CEP57L1: variants seen among roughly 807,000 people sequenced by gnomAD.
CEP57L1 encodes the protein centrosomal protein CEP57L1.
A neutral mutation model predicts 61.0 loss-of-function variants in CEP57L1; 37 were observed. The observed-to-expected ratio is 0.61, with a 90% CI of 0.47 to 0.80. The LOEUF is 0.80. CEP57L1 is among the 30% of genes least tolerant of loss of function. The pLI is 0.00. For synonymous variants in CEP57L1, 137 were observed against 162.3 expected, an observed-to-expected ratio of 0.84 and a Z score of 1.19; for missense variants, 422 against 524.7, an observed-to-expected ratio of 0.80 and a Z score of 1.91.
rs909029508 is a variant in CEP57L1 at position 109,158,488 on chromosome 6, C to CA, written c.745-527dup. On this transcript the variant is annotated intron_variant, in intron 7 of 10. Transcript: ENST00000517392. ...TGGGTGACAGAATGAGACCCTATCTCAAAAAAAAAAGGATATTTCGATTGT... is the reference window on the plus strand; with the variant it reads ...TGGGTGACAGAATGAGACCCTATCTCAAAAAAAAAAAGGATATTTCGATTGT... 9.8e-3 allele frequency: 3,162 copies of CA among 321,336 alleles called. 19 individuals are homozygous for CA. The highest frequency in any genetic ancestry group is 0.029 in the African/African-American group (1,254 of 43,346). The allele number at this position is 321,336 out of a possible 1,614,324, so 19.9% of individuals were successfully genotyped here. A position where few individuals can be genotyped will look rare whatever the true frequency, so the allele number is the denominator to read the frequency against.
intron 7 of CEP57L1, chr6:109,156,869 C>T (rs186629282): frequency 6.6e-6 from 1 of 151,948 alleles, no homozygotes; most frequent in Non-Finnish European, 1.5e-5. Context: ...AATATTTCCC[C>T]AATATGACTT....
intron 1 of CEP57L1, among the ~76,000 whole-genome samples, chr6:109,131,164 A>G (rs921980979): frequency 1.3e-5 from 2 of 152,222 alleles, no homozygotes; most frequent in African/African-American, 4.8e-5. Flanking sequence ...GCTACTGTTA[A>G]TACATTATAC....
At chr6:109,162,681 CCTAT>C (rs1290409174) in intron 10 of CEP57L1, 64 bp from the exon 11 acceptor site, 108 of 997,604 alleles carry the variant, frequency 1.1e-4, no homozygotes, top group East Asian at 2.9e-4. Flanking sequence ...ATCAATTCAA[CCTAT>C]CTATTTTGGA....
At chr6:109,148,254 G>T (rs1379885922) in intron 3 of CEP57L1, among the ~76,000 whole-genome samples, 1 of 151,992 alleles carries the variant, frequency 6.6e-6, no homozygotes, top group Non-Finnish European at 1.5e-5. Flanking sequence ...GTCTTCTAAT[G>T]CTATCCCTCC....
chr6:109,158,243 T>A (rs1773402180), intron 7 of CEP57L1: 2 of 165,732 alleles, frequency 1.2e-5, no homozygotes, highest in African/African-American at 4.8e-5. Context: ...ATCCCAACAG[T>A]TTGGGAGGCC....
In CEP57L1 at chr6:109,133,169, T is replaced by C. The variant is rs910221674; in HGVS notation, c.-3-12050T>C. Among the ~76,000 whole-genome samples, 4 of 152,012 alleles carry C rather than the reference T, an allele frequency of 2.6e-5. No homozygotes were observed. In the East Asian group the frequency reaches 7.7e-4, roughly 29 times the overall value. On this transcript the variant is annotated intron_variant, in intron 1 of 10. Transcript: ENST00000517392. ...TACTTATGTTGTCTCATTTAATCCT[T>C]AGAGCAATCTTATATGTTAAGGCAG... is the stretch of plus-strand genomic sequence containing the variant.
chr6:109,114,463 T>C (rs2114653418), intron 1 of CEP57L1, among the ~76,000 whole-genome samples: 1 of 152,106 alleles, frequency 6.6e-6, no homozygotes, highest in South Asian at 2.1e-4. Context: ...TAGCCCCTCA[T>C]GTATATAGAA....
chr6:109,100,743 T>TGGTCACATAA (rs1435721883), intron 1 of CEP57L1, among the ~76,000 whole-genome samples: 1 of 151,662 alleles, frequency 6.6e-6, no homozygotes, highest in Non-Finnish European at 1.5e-5. Flanking sequence ...ATGTAATTAC[T>TGGTCACATAA]GGTCACATAA....
At position 109,101,626 on chromosome 6, in the gene CEP57L1, T is replaced by TTC. The variant is rs201013255; in HGVS notation, c.-4+6052_-4+6053insCT. On this transcript the variant is annotated intron_variant, in intron 1 of 10. Coordinates refer to ENST00000517392, the MANE Select transcript of CEP57L1 (RefSeq NM_001271852.3). ...GCTGTTTTTCTTTTTCTTTTTTCTT[T>TTC]TTTTTTTTTTTTGAGACGGAGTCTC... Among the ~76,000 whole-genome samples the TTC allele has an allele frequency of 8.0e-3, 1,199 of 149,898 alleles. 24 individuals carry two copies. The highest frequency in any genetic ancestry group is 0.028 in the African/African-American group (1,152 of 40,882).
At chr6:109,134,238 G>T (rs1774544730) in intron 1 of CEP57L1, among the ~76,000 whole-genome samples, 2 of 151,858 alleles carry the variant, frequency 1.3e-5, no homozygotes, top group African/African-American at 2.4e-5. Context: ...TTCATCCCTG[G>T]GATGCAAGGC....
chr6:109,159,208 T>C, intron 8 of CEP57L1, 61 bp from the exon 9 acceptor site: 1 of 1,613,776 alleles, frequency 6.2e-7, no homozygotes. Context: ...GTTGTTTCTT[T>C]TCCCATAAGT....
At position 109,169,577 on chromosome 6, in the gene CEP57L1, C is replaced by T. The variant is rs1774309441; in HGVS notation, c.*6607C>T. ...ATAGAATACAATTTTCAAACACTAG[C>T]CAACTTACCTTAGAGAAATACTGGT... On this transcript the variant is annotated 3_prime_UTR_variant, in exon 11 of 11. Transcript: ENST00000517392. Among the ~76,000 whole-genome samples the T allele has an allele frequency of 2.0e-5, 3 of 152,072 alleles. No individual in the cohort carries two copies. In the South Asian group the frequency reaches 6.2e-4, roughly 32 times the overall value.
rs1335616758 is a variant in CEP57L1, at chr6:109,165,335, T to A, written c.*2365T>A. 2.7e-5 allele frequency among the ~76,000 whole-genome samples: 4 copies of A among 150,408 alleles called. No individual in the cohort carries two copies. The highest frequency in any genetic ancestry group is 9.8e-5 in the African/African-American group (4 of 40,762). On this transcript the variant is annotated 3_prime_UTR_variant, in exon 11 of 11. Transcript: ENST00000517392. ...ATACTAATTTGTTGTGAGGAGTTAA[T>A]GAAATAACATGGGAAAGCACCCAGC...
At chr6:109,127,845 GT>G (rs1383193043) in intron 1 of CEP57L1, among the ~76,000 whole-genome samples, 1 of 151,524 alleles carries the variant, frequency 6.6e-6, no homozygotes, top group Non-Finnish European at 1.5e-5. Context: ...GGCCAGGATG[GT>G]CTCAATCTGC....
rs1298260523 is a variant in CEP57L1 at position 109,174,099 on chromosome 6, C to CA, written c.*11144dup. Among the ~76,000 whole-genome samples, 1,625 of 81,598 alleles carry CA rather than the reference C, an allele frequency of 0.02. 26 individuals carry two copies. The highest frequency in any genetic ancestry group is 0.05 in the African/African-American group (1,040 of 20,830). 53.5% of individuals were successfully genotyped at this position (81,598 alleles called of 152,430 possible). ...TGAGCCATAGAGTGAGTCTTGGTCT[C>CA]AAAAAAAAAAAAAAACCTTGTGTTG... On this transcript the variant is annotated 3_prime_UTR_variant, in exon 11 of 11. Transcript: ENST00000517392.
In CEP57L1 at chr6:109,170,045, C is replaced by T. The variant is rs978949167; in HGVS notation, c.*7075C>T. Among the ~76,000 whole-genome samples, 2 of 152,082 alleles carry T rather than the reference C, an allele frequency of 1.3e-5. No homozygotes were observed. Among genetic ancestry groups the T allele is most frequent in the Non-Finnish European group, 2.9e-5 (2 of 67,996 alleles). ...AGAGGATTTCTTTGGCCTTTAATAT[C>T]CTATTTAATAGATTTCTTATAACCA... On this transcript the variant is annotated 3_prime_UTR_variant, in exon 11 of 11. Coordinates refer to ENST00000517392, the MANE Select transcript of CEP57L1 (RefSeq NM_001271852.3).
At position 109,173,574 on chromosome 6, in the gene CEP57L1, G is replaced by T. The variant is rs1051591584; in HGVS notation, c.*10604G>T. 6.7e-6 allele frequency among the ~76,000 whole-genome samples: 1 copy of T among 148,288 alleles called. No individual in the cohort carries two copies. Among genetic ancestry groups the T allele is most frequent in the Admixed American group, 6.8e-5 (1 of 14,812 alleles). On this transcript the variant is annotated 3_prime_UTR_variant, in exon 11 of 11. Coordinates refer to ENST00000517392, the MANE Select transcript of CEP57L1 (RefSeq NM_001271852.3). ...CAAGTAGCTGGGACTACAGGTGCATGCCACCACACCTGGCTAATTAAAAAA... is the reference window on the plus strand; with the variant it reads ...CAAGTAGCTGGGACTACAGGTGCATTCCACCACACCTGGCTAATTAAAAAA...
chr6:109,152,430 A>C (rs1389544607), intron 4 of CEP57L1, among the ~76,000 whole-genome samples: 15 of 151,924 alleles, frequency 9.9e-5, no homozygotes, highest in Non-Finnish European at 1.5e-5. Flanking sequence ...TGATCCACCC[A>C]CCTTGGCCTC....
chr6:109,173,434 T>C lies in CEP57L1; in HGVS notation c.*10464T>C, dbSNP rs866893833. Reference sequence around the variant, plus strand: ...CCGCCCCCTACCTTTCTTTTTTTTTTTTTTTTCTTTTCAGGGTCTTGTTCT... The same window carrying C: ...CCGCCCCCTACCTTTCTTTTTTTTTCTTTTTTCTTTTCAGGGTCTTGTTCT... On this transcript the variant is annotated 3_prime_UTR_variant, in exon 11 of 11. Transcript: ENST00000517392. 3.2e-3 allele frequency among the ~76,000 whole-genome samples: 467 copies of C among 147,924 alleles called. 3 individuals carry two copies. The highest frequency in any genetic ancestry group is 8.2e-3 in the South Asian group (37 of 4,534).
Sources: allele counts gnomAD v4.1 joint callset (sites outside exome capture counted in the v4.1 genomes callset), GRCh38; gene constraint gnomAD v4.1.1; transcripts MANE v1.5; gene names NCBI Gene and HGNC (gene_info 2026-07-23, HGNC 2026-07-21).